Variants in R3HCC1L observed in about 807,000 individuals in gnomAD.
R3HCC1L encodes the protein coiled-coil domain-containing protein R3HCC1L.
In R3HCC1L, 51 loss-of-function variants were observed where a neutral mutation model predicts 59.9. That is an observed-to-expected ratio of 0.85 (90% CI 0.68 to 1.07). R3HCC1L has a LOEUF of 1.07. Among genes scored for constraint, R3HCC1L ranks in the 50% least tolerant of loss-of-function variants. R3HCC1L has a pLI of 0.00. For synonymous variants in R3HCC1L, 322 were observed against 315.2 expected, an observed-to-expected ratio of 1.02 and a Z score of -0.23; for missense variants, 965 against 933.0, an observed-to-expected ratio of 1.03 and a Z score of -0.45.
At position 98,235,363 on chromosome 10, in the gene R3HCC1L, C is replaced by G. The variant is rs1352918778; in HGVS notation, c.2033-62C>G. ...ATCTAGGAAATACTAAGAGCTATCC[C>G]TAGTTTTTCCTTTGCATCACTCTAC... On this transcript the variant is annotated intron_variant, in intron 7 of 9. Transcript: ENST00000298999. 6.6e-6 allele frequency: 9 copies of G among 1,359,998 alleles called. No individual in the cohort carries two copies. The East Asian group carries it at 9.3e-5, about 14-fold the overall frequency. 84.2% of individuals were successfully genotyped at this position (1,359,998 alleles called of 1,614,324 possible).
intron 5 of R3HCC1L, among the ~76,000 whole-genome samples, chr10:98,212,126 G>A (rs1456293776): frequency 6.6e-6 from 1 of 152,122 alleles, no homozygotes; most frequent in Non-Finnish European, 1.5e-5. Flanking sequence ...AATGCAAGTA[G>A]CAGATCCAAC....
chr10:98,189,194 A>G (rs374777004), intron 4 of R3HCC1L, among the ~76,000 whole-genome samples: 21 of 152,174 alleles, frequency 1.4e-4, no homozygotes, highest in African/African-American at 2.9e-4. Flanking sequence ...TAGAGTAGCA[A>G]TAAGTGACAG....
At chr10:98,238,917 A>G (rs1857237144) in intron 9 of R3HCC1L, among the ~76,000 whole-genome samples, 1 of 152,170 alleles carries the variant, frequency 6.6e-6, no homozygotes, top group Non-Finnish European at 1.5e-5. Flanking sequence ...TTTCCTTAGT[A>G]GAAATAGAGA....
At chr10:98,197,077 G>A (rs1851516332) in intron 4 of R3HCC1L, among the ~76,000 whole-genome samples, 1 of 151,986 alleles carries the variant, frequency 6.6e-6, no homozygotes, top group Admixed American at 6.6e-5. Flanking sequence ...AGCGTCCCAA[G>A]TAGCTGGGAT....
intron 1 of R3HCC1L, among the ~76,000 whole-genome samples, chr10:98,136,995 G>T (rs143402234): frequency 0.025 from 3,783 of 152,264 alleles, 150 homozygotes; most frequent in African/African-American, 0.081. Context: ...CAGATCACGA[G>T]GTCAGGAGGT....
intron 4 of R3HCC1L, among the ~76,000 whole-genome samples, chr10:98,171,651 T>G (rs1450787605): frequency 1.3e-5 from 2 of 152,114 alleles, no homozygotes; most frequent in East Asian, 3.9e-4. Flanking sequence ...TAGTGAAACA[T>G]TATGAGAAGA....
chr10:98,179,322 A>C lies in R3HCC1L; in HGVS notation c.-15+15925A>C, dbSNP rs180699719. Among the ~76,000 whole-genome samples the C allele has an allele frequency of 2.8e-3, 423 of 152,176 alleles. 1 individual carries two copies. The highest frequency in any genetic ancestry group is 9.7e-3 in the African/African-American group (404 of 41,522). ...CTTTTCTGCATCTATTGAGATAATC[A>C]TGTGGTTTTTGTCTGTGGTTCTGTT... On this transcript the variant is annotated intron_variant, in intron 4 of 9. Transcript: ENST00000298999.
chr10:98,241,699 A>AT (rs546142201), intron 9 of R3HCC1L, among the ~76,000 whole-genome samples: 112 of 151,848 alleles, frequency 7.4e-4, no homozygotes, highest in African/African-American at 2.6e-3. Flanking sequence ...TGTTTATACA[A>AT]TTTTTTTCAT....
intron 4 of R3HCC1L, among the ~76,000 whole-genome samples, chr10:98,163,918 G>A (rs1847687203): frequency 6.6e-6 from 1 of 152,158 alleles, no homozygotes; most frequent in African/African-American, 2.4e-5. Context: ...TACCCTATAA[G>A]TATTTGTTGT....
chr10:98,183,815 A>C lies in R3HCC1L; in HGVS notation c.-15+20418A>C, dbSNP rs576373264. Among the ~76,000 whole-genome samples, 3 of 152,262 alleles carry C rather than the reference A, an allele frequency of 2.0e-5. No homozygotes were observed. The South Asian group carries it at 6.2e-4, about 32-fold the overall frequency. ...CTTACCGTTTCCATCCCTCTGCTTA[A>C]ATTACACATCTGCGTATGCATATTA... On this transcript the variant is annotated intron_variant, in intron 4 of 9. Coordinates refer to ENST00000298999, the MANE Select transcript of R3HCC1L (RefSeq NM_001351015.2).
rs564177942 is a variant in R3HCC1L at position 98,181,849 on chromosome 10, T to C, written c.-15+18452T>C. ...GAGTCACATAGTTCTTGTGCCATGG[T>C]TTTCAGCTCCATCAGGTCATTTAAG... On this transcript the variant is annotated intron_variant, in intron 4 of 9. Coordinates refer to ENST00000298999, the MANE Select transcript of R3HCC1L (RefSeq NM_001351015.2). 2.6e-5 allele frequency among the ~76,000 whole-genome samples: 4 copies of C among 152,322 alleles called. No homozygotes were observed. In the East Asian group the frequency reaches 7.7e-4, roughly 29 times the overall value.
chr10:98,162,660 G>A (rs769285574), intron 2 of R3HCC1L, among the ~76,000 whole-genome samples: 7 of 150,462 alleles, frequency 4.7e-5, no homozygotes, highest in East Asian at 1.9e-4. Flanking sequence ...ACATCTGTTC[G>A]TGTGTGTGTG....
chr10:98,154,428 G>A (rs968972311), intron 1 of R3HCC1L, among the ~76,000 whole-genome samples: 32 of 152,126 alleles, frequency 2.1e-4, no homozygotes, highest in African/African-American at 7.5e-4. Context: ...ACTATGTGTT[G>A]GGTACCTGCA....
At chr10:98,210,163 A>G (rs1255335809) in intron 5 of R3HCC1L, among the ~76,000 whole-genome samples, 1 of 152,226 alleles carries the variant, frequency 6.6e-6, no homozygotes, top group African/African-American at 2.4e-5. Context: ...TGTCAAGGAA[A>G]TGCAAAGGAA....
At position 98,208,053 on chromosome 10, in the gene R3HCC1L, A is replaced by G. The variant is rs1349560158; in HGVS notation, c.-14-48A>G. ...AAGAAAAAAGAAAATATTTTGGTTC[A>G]ATACATTGTAATTAGTGTCTAATAA... On this transcript the variant is annotated intron_variant, in intron 4 of 9. Coordinates refer to ENST00000298999, the MANE Select transcript of R3HCC1L (RefSeq NM_001351015.2). 3 of 1,498,118 alleles carry G rather than the reference A, an allele frequency of 2.0e-6. No individual in the cohort carries two copies. The African/African-American group carries it at 4.2e-5, about 21-fold the overall frequency. The allele number at this position is 1,498,118 out of a possible 1,614,324, so 92.8% of individuals were successfully genotyped here.
intron 2 of R3HCC1L, among the ~76,000 whole-genome samples, chr10:98,160,848 T>C (rs1190903591): frequency 2.0e-5 from 3 of 152,168 alleles, no homozygotes; most frequent in Non-Finnish European, 2.9e-5. Flanking sequence ...CCTTCATGTG[T>C]TTTTCCCCCC....
In R3HCC1L at chr10:98,231,574, T is replaced by G; in HGVS notation, c.1848T>G (p.His616Gln). The stretch of plus-strand genomic sequence containing the variant: ...AACCTAGATCTGATTACTACAATCA[T>G]GAAGTTCCTGATATTGACCTCAGTG... ...IQEPRSDYYN[H>Q]EVPDIDLSDC... is the part of the protein sequence containing the mutation. The change falls in exon 6 of 10, where the codon CAT becomes CAG. Residue 616 changes from histidine (H) to glutamine (Q), a missense_variant. Coordinates refer to ENST00000298999, the MANE Select transcript of R3HCC1L (RefSeq NM_001351015.2). The G allele has an allele frequency of 6.2e-7, 1 of 1,612,546 alleles. No individual in the cohort carries two copies. The highest frequency in any genetic ancestry group is 8.5e-7 in the Non-Finnish European group (1 of 1,178,774).
intron 9 of R3HCC1L, 117 bp downstream of exon 9, chr10:98,236,281 C>T: frequency 7.6e-7 from 1 of 1,321,838 alleles, no homozygotes; most frequent in Non-Finnish European, 1.0e-6. Flanking sequence ...TCCTAGAAGC[C>T]TCCTAAGTGT....
At chr10:98,186,115 G>A (rs761286069) in intron 4 of R3HCC1L, among the ~76,000 whole-genome samples, 1 of 152,204 alleles carries the variant, frequency 6.6e-6, no homozygotes, top group Non-Finnish European at 1.5e-5. Flanking sequence ...TCCAGAGGGA[G>A]AGTAGAAGAA....
Sources: allele counts gnomAD v4.1 joint callset (sites outside exome capture counted in the v4.1 genomes callset), GRCh38; gene constraint gnomAD v4.1.1; transcripts MANE v1.5; gene names NCBI Gene and HGNC (gene_info 2026-07-23, HGNC 2026-07-21).